The following CTHRC1 variants were observed in gnomAD, a reference collection of about 807,000 sequenced individuals.
CTHRC1 encodes collagen triple helix repeat containing 1.
Under a neutral mutation model 25.9 loss-of-function variants are expected in CTHRC1, and 21 were observed. The observed-to-expected ratio is 0.81, with a 90% CI of 0.57 to 1.17. The LOEUF is 1.17. Ranked by LOEUF, CTHRC1 falls within the 50% of genes most tolerant of loss-of-function variation. The pLI is 0.00. For synonymous variants in CTHRC1, 109 were observed against 113.1 expected (o/e 0.96, Z 0.23); for missense variants, 281 against 304.3 (o/e 0.92, Z 0.57).
At chr8:103,378,331 AC>A (rs1401454229) in intron 3 of CTHRC1, 88 bp downstream of exon 3, 1 of 1,054,008 alleles carries the variant, frequency 9.5e-7, no homozygotes, top group Non-Finnish European at 1.4e-6. Flanking sequence ...TCACTAGCCT[AC>A]TGTAAAGGGA....
intron 2 of CTHRC1, among the ~76,000 whole-genome samples, chr8:103,376,231 G>C (rs1033767405): frequency 6.6e-6 from 1 of 152,186 alleles, no homozygotes; most frequent in African/African-American, 2.4e-5. Flanking sequence ...ATATGTGTCT[G>C]TGTTGGACAG....
At chr8:103,374,782 A>T (rs1436091695) in intron 1 of CTHRC1, among the ~76,000 whole-genome samples, 5 of 152,174 alleles carry the variant, frequency 3.3e-5, no homozygotes, top group Non-Finnish European at 7.4e-5. Flanking sequence ...CTTAAATCTC[A>T]TACAAACCCT....
rs147175675 is a variant in CTHRC1 at position 103,375,781 on chromosome 8, G to A, written c.194G>A (p.Arg65Gln). The A allele has an allele frequency of 3.2e-5, 51 of 1,614,074 alleles. No homozygotes were observed. The highest frequency in any genetic ancestry group is 2.9e-4 in the East Asian group (13 of 44,876). The part of the protein sequence containing the change: ...CLQGPAGVPG[R>Q]DGSPGANGIP... Reference sequence around the variant, plus strand: ...CAAGGGCCAGCAGGAGTGCCTGGTCGAGACGGGAGCCCTGGGGCCAATGGC... The same window carrying A: ...CAAGGGCCAGCAGGAGTGCCTGGTCAAGACGGGAGCCCTGGGGCCAATGGC... The change falls in exon 2 of 4, where the codon CGA becomes CAA. Residue 65 changes from arginine to glutamine, a missense_variant. Physicochemically the swap from Arg to Gln is conservative, Grantham distance 43. Transcript: ENST00000330295.
intron 3 of CTHRC1, 94 bp downstream of exon 3, chr8:103,378,337 A>G: frequency 1.0e-6 from 1 of 994,756 alleles, no homozygotes. Flanking sequence ...GCCTACTGTA[A>G]AGGGACCTCT....
chr8:103,373,717 C>A (rs1302747339), intron 1 of CTHRC1, among the ~76,000 whole-genome samples: 1 of 148,090 alleles, frequency 6.8e-6, no homozygotes, highest in Non-Finnish European at 1.5e-5. Flanking sequence ...TAGCAATCCC[C>A]TCTCCCAAGT....
At chr8:103,373,117 GTC>G (rs1586550795) in intron 1 of CTHRC1, among the ~76,000 whole-genome samples, 2 of 152,290 alleles carry the variant, frequency 1.3e-5, no homozygotes, top group African/African-American at 4.8e-5. Flanking sequence ...CATTTTATGA[GTC>G]TGTAGTTATG....
intron 3 of CTHRC1, among the ~76,000 whole-genome samples, chr8:103,380,325 C>T (rs750096667): frequency 6.6e-6 from 1 of 152,172 alleles, no homozygotes; most frequent in African/African-American, 2.4e-5. Context: ...TGTGCAAACT[C>T]ATTTGGTGTG....
In CTHRC1 at chr8:103,375,957, G is replaced by T; in HGVS notation, c.370G>T (p.Ala124Ser). Residue 124 changes from alanine (A) to serine (S), a missense_variant and splice_region_variant, in exon 2 of 4, where the codon GCG (alanine) becomes TCG (serine). Ala to Ser is a moderately conservative substitution (Grantham distance 99). Transcript: ENST00000330295. ...TTATGGCATAGATCTTGGGAAAATT[G>T]CGGTAAGTTTGAATTATTTTAAAAT... ...LNYGIDLGKI[A>S]ECTFTKMRSN... The T allele has an allele frequency of 6.2e-7, 1 of 1,610,416 alleles. No homozygotes were observed. Among genetic ancestry groups the T allele is most frequent in the African/African-American group, 1.3e-5 (1 of 74,944 alleles).
chr8:103,378,781 T>G (rs1456515806), intron 3 of CTHRC1, among the ~76,000 whole-genome samples: 1 of 152,072 alleles, frequency 6.6e-6, no homozygotes, highest in Non-Finnish European at 1.5e-5. Flanking sequence ...TTTGGGAGGC[T>G]GAGACGGGCA....
chr8:103,379,422 CTATTT>C (rs1307314253), intron 3 of CTHRC1, among the ~76,000 whole-genome samples: 1 of 150,574 alleles, frequency 6.6e-6, no homozygotes, highest in Non-Finnish European at 1.5e-5. Context: ...CCTGTTTGTT[CTATTT>C]TAAGATTCAT....
intron 1 of CTHRC1, among the ~76,000 whole-genome samples, chr8:103,372,903 T>C (rs1284858176): frequency 6.6e-6 from 1 of 152,184 alleles, no homozygotes; most frequent in Non-Finnish European, 1.5e-5. Context: ...ACTGAGCTAA[T>C]ATACCAAGTT....
chr8:103,382,249 G>A (rs1462841701), intron 3 of CTHRC1, among the ~76,000 whole-genome samples: 1 of 152,096 alleles, frequency 6.6e-6, no homozygotes, highest in Non-Finnish European at 1.5e-5. Context: ...TTATATCATA[G>A]AATGGATATG....
intron 3 of CTHRC1, among the ~76,000 whole-genome samples, chr8:103,382,079 A>T (rs1161077865): frequency 6.6e-6 from 1 of 152,076 alleles, no homozygotes; most frequent in Non-Finnish European, 1.5e-5. Flanking sequence ...TTCTTTTTTT[A>T]AAAAAGACTT....
chr8:103,375,667 A>G, intron 1 of CTHRC1, 71 bp from the exon 2 acceptor site: 1 of 1,316,532 alleles, frequency 7.6e-7, no homozygotes, highest in South Asian at 1.2e-5. Flanking sequence ...AAATAAATGC[A>G]TTTCTAATCA....
At chr8:103,382,213 A>C (rs1052461841) in intron 3 of CTHRC1, among the ~76,000 whole-genome samples, 1 of 152,142 alleles carries the variant, frequency 6.6e-6, no homozygotes, top group Non-Finnish European at 1.5e-5. Context: ...TATGCTTGAA[A>C]CCTGTAAGAA....
At position 103,375,934 on chromosome 8, in the gene CTHRC1, A is replaced by G; in HGVS notation, c.347A>G (p.Tyr116Cys). The change falls in exon 2 of 4, where the codon TAT (tyrosine) becomes TGT (cysteine). Residue 116 changes from tyrosine to cysteine, a missense_variant. Coordinates refer to ENST00000330295, the MANE Select transcript of CTHRC1 (RefSeq NM_138455.4). ...YKQCSWSSLNYGIDLGKIAEC... is the reference protein window; with the variant it reads ...YKQCSWSSLNCGIDLGKIAEC... Reference sequence around the variant, plus strand: ...CAGTGTTCATGGAGTTCATTGAATTATGGCATAGATCTTGGGAAAATTGCG... The same window carrying G: ...CAGTGTTCATGGAGTTCATTGAATTGTGGCATAGATCTTGGGAAAATTGCG... 6.2e-7 allele frequency: 1 copy of G among 1,613,858 alleles called. No individual in the cohort carries two copies. The highest frequency in any genetic ancestry group is 8.5e-7 in the Non-Finnish European group (1 of 1,179,772).
At chr8:103,377,504 A>C (rs1815824674) in intron 2 of CTHRC1, among the ~76,000 whole-genome samples, 1 of 152,234 alleles carries the variant, frequency 6.6e-6, no homozygotes, top group African/African-American at 2.4e-5. Flanking sequence ...AAAAGTTCTG[A>C]GAAAGCTGCA....
rs192252436 is a variant in CTHRC1 at position 103,381,593 on chromosome 8, G to T, written c.590-865G>T. 2.8e-4 allele frequency among the ~76,000 whole-genome samples: 42 copies of T among 152,186 alleles called. No individual in the cohort carries two copies. In the East Asian group the frequency reaches 6.6e-3, roughly 24 times the overall value. On this transcript the variant is annotated intron_variant, in intron 3 of 3. Transcript: ENST00000330295. ...ATAAAAACACAGAGGAAAAGCAGGG[G>T]GGATTTTCTGTTTTATGTTTTTTCA...
chr8:103,372,446 C>A, intron 1 of CTHRC1: 2 of 1,532,880 alleles, frequency 1.3e-6, no homozygotes, highest in Non-Finnish European at 1.7e-6. Flanking sequence ...AGGTTTAAGG[C>A]CGGAAAGGGA....
Sources: allele counts gnomAD v4.1 joint callset (sites outside exome capture counted in the v4.1 genomes callset), GRCh38; gene constraint gnomAD v4.1.1; transcripts MANE v1.5; gene names NCBI Gene and HGNC (gene_info 2026-07-23, HGNC 2026-07-21).